Variants in UBE2E1 observed in about 807,000 individuals in gnomAD.
UBE2E1 encodes the protein ubiquitin-conjugating enzyme E2 E1.
UBE2E1 carries 6 observed loss-of-function variants against 21.4 expected under a neutral mutation model. The ratio of observed to expected loss-of-function variants is 0.28; its 90% CI spans 0.15 to 0.55. The LOEUF is 0.55. UBE2E1 is among the 20% of genes least tolerant of loss of function. The pLI, the probability that UBE2E1 is intolerant of heterozygous loss-of-function variation, is 0.93. For synonymous variants in UBE2E1, 87 were observed against 82.7 expected, an observed-to-expected ratio of 1.05 and a Z score of -0.28; for missense variants, 142 against 236.5, an observed-to-expected ratio of 0.60 and a Z score of 2.62.
intron 3 of UBE2E1, among the ~76,000 whole-genome samples, chr3:23,885,518 A>G (rs1271374632): frequency 6.6e-6 from 1 of 152,204 alleles, no homozygotes; most frequent in African/African-American, 2.4e-5. Context: ...AAAACTATGA[A>G]GTCATCTTTT....
chr3:23,860,692 C>G (rs1364228109), intron 3 of UBE2E1, among the ~76,000 whole-genome samples: 1 of 152,134 alleles, frequency 6.6e-6, no homozygotes, highest in Admixed American at 6.5e-5. Context: ...CATACACTTA[C>G]CTCTTTATTT....
chr3:23,877,132 G>T (rs1238138063), intron 3 of UBE2E1, among the ~76,000 whole-genome samples: 1 of 152,218 alleles, frequency 6.6e-6, no homozygotes, highest in Non-Finnish European at 1.5e-5. Context: ...GATAGGGTCT[G>T]AGGTGGAGTC....
intron 3 of UBE2E1, among the ~76,000 whole-genome samples, chr3:23,852,043 C>T (rs1305574701): frequency 1.3e-5 from 2 of 152,204 alleles, no homozygotes; most frequent in Non-Finnish European, 2.9e-5. Context: ...CTCATGCTCC[C>T]TTTCCTGTCA....
At chr3:23,826,844 T>G (rs1371781531) in intron 3 of UBE2E1, among the ~76,000 whole-genome samples, 6 of 152,212 alleles carry the variant, frequency 3.9e-5, no homozygotes, top group African/African-American at 1.2e-4. Context: ...TTTTAAACTT[T>G]AGGTACTAAA....
intron 3 of UBE2E1, among the ~76,000 whole-genome samples, chr3:23,871,689 C>T (rs1374418011): frequency 1.3e-5 from 2 of 150,716 alleles, no homozygotes; most frequent in Non-Finnish European, 3.0e-5. Flanking sequence ...CCTCACCTCC[C>T]AGACGGGGTC....
chr3:23,872,327 A>C (rs977543938), intron 3 of UBE2E1, among the ~76,000 whole-genome samples: 2 of 150,690 alleles, frequency 1.3e-5, no homozygotes, highest in Non-Finnish European at 3.0e-5. Flanking sequence ...GCAGCAGTAC[A>C]GTCCAGCTTC....
Position 23,889,268 on chromosome 3 carries a change from C to T in UBE2E1, c.484+9C>T. On this transcript the variant is annotated intron_variant, in intron 5 of 5. Transcript: ENST00000306627. ...TACAGACTGTAATCCTGGTAAGGTT[C>T]ATAATTCTTTACCTTGTTTTATTCT... The T allele has an allele frequency of 6.2e-7, 1 of 1,613,642 alleles. No individual in the cohort carries two copies. Among genetic ancestry groups the T allele is most frequent in the South Asian group, 1.1e-5 (1 of 91,038 alleles).
At chr3:23,890,479 TCCAAAGTA>T (rs770727858) in intron 5 of UBE2E1, 22 bp from the exon 6 acceptor site, 1 of 1,599,130 alleles carries the variant, frequency 6.3e-7, no homozygotes, top group Non-Finnish European at 8.5e-7. Flanking sequence ...TTTTCCTTTC[TCCAAAGTA>T]ATCTACATTC....
intron 3 of UBE2E1, among the ~76,000 whole-genome samples, chr3:23,833,141 TC>T (rs1249417616): frequency 3.9e-5 from 6 of 152,366 alleles, no homozygotes; most frequent in African/African-American, 1.4e-4. Flanking sequence ...CTCCCATTTT[TC>T]CTCAGTCTCC....
At position 23,811,441 on chromosome 3, in the gene UBE2E1, C is replaced by G; in HGVS notation, c.153-19C>G. 6.2e-7 allele frequency: 1 copy of G among 1,614,072 alleles called. No individual in the cohort carries two copies. Among genetic ancestry groups the G allele is most frequent in the South Asian group, 1.1e-5 (1 of 91,080 alleles). On this transcript the variant is annotated intron_variant, in intron 2 of 5. Coordinates refer to ENST00000306627, the MANE Select transcript of UBE2E1 (RefSeq NM_003341.5). ...CTTAATGCTTCTTGTGTTTGTCTTT[C>G]CCATTTCTCCCACTCCAGAATTCAG... is the stretch of plus-strand genomic sequence containing the variant.
At chr3:23,819,832 CA>C (rs745951819) in intron 3 of UBE2E1, among the ~76,000 whole-genome samples, 2 of 151,972 alleles carry the variant, frequency 1.3e-5, no homozygotes, top group Non-Finnish European at 2.9e-5. Context: ...GTCAGTGTGG[CA>C]AAAAAGATGT....
At position 23,891,142 on chromosome 3, in the gene UBE2E1, T is replaced by A. The variant is rs1395498746; in HGVS notation, c.*536T>A. 6.6e-6 allele frequency: 1 copy of A among 152,620 alleles called. No homozygotes were observed. The highest frequency in any genetic ancestry group is 6.5e-5 in the Admixed American group (1 of 15,284). 9.5% of individuals were successfully genotyped at this position (152,620 alleles called of 1,614,324 possible). On this transcript the variant is annotated 3_prime_UTR_variant, in exon 6 of 6. Coordinates refer to ENST00000306627, the MANE Select transcript of UBE2E1 (RefSeq NM_003341.5). Reference sequence around the variant, plus strand: ...ATTTTATATGCCAATCTACTTTGTTTAAAAAAGGTCTGAATCAGGACTTGT... The same window carrying A: ...ATTTTATATGCCAATCTACTTTGTTAAAAAAAGGTCTGAATCAGGACTTGT...
rs79440666 is a variant in UBE2E1, at chr3:23,842,250, G to GGGGTGT, written c.203+30740_203+30741insGGGTGT. Among the ~76,000 whole-genome samples the GGGGTGT allele has an allele frequency of 1.2e-5, 1 of 86,370 alleles. No homozygotes were observed. The highest frequency in any genetic ancestry group is 2.3e-5 in the Non-Finnish European group (1 of 43,224). 56.7% of individuals were successfully genotyped at this position (86,370 alleles called of 152,430 possible). A position where few individuals can be genotyped will look rare whatever the true frequency, so the allele number is the denominator to read the frequency against. ...GTGTGTGTGTGTGTGTGTGTGTGTG[G>GGGGTGT]TGTTGTTGTTGTTGGCGACAGGGTC... On this transcript the variant is annotated intron_variant, in intron 3 of 5. Coordinates refer to ENST00000306627, the MANE Select transcript of UBE2E1 (RefSeq NM_003341.5). This position sits in a 1 kb window ranked among gnomAD's most constrained non-coding sequence, Gnocchi z 4.6.
rs953140142 is a variant in UBE2E1, at chr3:23,836,065, A to G, written c.203+24555A>G. The stretch of plus-strand genomic sequence containing the variant: ...AAAATGTTTTGAGCTTTTGCTGTTG[A>G]TGTTAAGATTACGATTTTTCTGTTA... On this transcript the variant is annotated intron_variant, in intron 3 of 5. Coordinates refer to ENST00000306627, the MANE Select transcript of UBE2E1 (RefSeq NM_003341.5). The surrounding 1 kb of genome is among the most constrained non-coding windows in gnomAD (Gnocchi z 4.1). 6.6e-6 allele frequency among the ~76,000 whole-genome samples: 1 copy of G among 152,192 alleles called. No individual in the cohort carries two copies. Among genetic ancestry groups the G allele is most frequent in the African/African-American group, 2.4e-5 (1 of 41,448 alleles).
At chr3:23,809,742 C>T (rs1484305547) in intron 2 of UBE2E1, among the ~76,000 whole-genome samples, 1 of 152,060 alleles carries the variant, frequency 6.6e-6, no homozygotes, top group Non-Finnish European at 1.5e-5. Flanking sequence ...CGTTGTGCTC[C>T]GGGGAGGAAA....
intron 3 of UBE2E1, among the ~76,000 whole-genome samples, chr3:23,851,231 A>G (rs1700318482): frequency 6.6e-6 from 1 of 152,184 alleles, no homozygotes; most frequent in South Asian, 2.1e-4. Context: ...CTGGGCTCTT[A>G]ATTAGGTTCC....
At chr3:23,873,151 G>C (rs1294575089) in intron 3 of UBE2E1, among the ~76,000 whole-genome samples, 1 of 152,202 alleles carries the variant, frequency 6.6e-6, no homozygotes, top group Non-Finnish European at 1.5e-5. Flanking sequence ...CTCACACCTG[G>C]TGTAGATTCA....
intron 3 of UBE2E1, among the ~76,000 whole-genome samples, chr3:23,882,895 CCA>C (rs753832142): frequency 4.4e-4 from 67 of 152,312 alleles, no homozygotes; most frequent in Non-Finnish European, 7.9e-4. Context: ...GCGCGCAGCC[CCA>C]GTTCCCACCC....
intron 3 of UBE2E1, among the ~76,000 whole-genome samples, chr3:23,885,823 G>A (rs964147959): frequency 1.3e-5 from 2 of 152,110 alleles, no homozygotes; most frequent in African/African-American, 4.8e-5. Context: ...TCGTGCCATT[G>A]CACTCCAGCC....
Sources: gnomAD v4.1 joint callset for allele counts (sites outside exome capture counted in the v4.1 genomes callset) on GRCh38, gnomAD v4.1.1 for gene constraint, Gnocchi (gnomAD v3.1) non-coding constraint, MANE v1.5 for transcripts, NCBI Gene and HGNC (gene_info 2026-07-23, HGNC 2026-07-21) for gene names.